Variants in RTTN observed in about 807,000 individuals in gnomAD.
RTTN encodes the protein rotatin.
In RTTN, 182 loss-of-function variants were observed where a neutral mutation model predicts 269.2. That is an observed-to-expected ratio of 0.68 (90% CI 0.60 to 0.76). The LOEUF (loss-of-function observed/expected upper bound fraction) is 0.76. Among genes scored for constraint, RTTN ranks in the 30% least tolerant of loss-of-function variants. RTTN has a pLI of 0.00. For missense variants in RTTN, 2,545 were observed against 2,608.6 expected (o/e 0.98, Z 0.53); for synonymous variants, 1,006 against 963.5 (o/e 1.04, Z -0.82).
rs190109926 is a variant in RTTN at position 70,184,851 on chromosome 18, C to T, written c.1305+3257G>A. 2.5e-3 allele frequency among the ~76,000 whole-genome samples: 363 copies of T among 145,568 alleles called. 1 individual carries two copies. Among genetic ancestry groups the T allele is most frequent in the African/African-American group, 8.5e-3 (340 of 39,790 alleles). ...TGGAGCTTACAGTGATCCGAGATGG[C>T]GCCACTGCACTCCAGCCTGGGCAAC... On this transcript the variant is annotated intron_variant, in intron 10 of 48. Coordinates refer to ENST00000640769, the MANE Select transcript of RTTN (RefSeq NM_173630.4).
intron 23 of RTTN, among the ~76,000 whole-genome samples, chr18:70,134,129 T>A (rs1205659788): frequency 6.6e-6 from 1 of 152,016 alleles, no homozygotes; most frequent in Non-Finnish European, 1.5e-5. Flanking sequence ...TTATTTCCAA[T>A]TGGTGGGTGA....
intron 23 of RTTN, among the ~76,000 whole-genome samples, chr18:70,132,252 T>C (rs2060016572): frequency 6.6e-6 from 1 of 152,004 alleles, no homozygotes; most frequent in African/African-American, 2.4e-5. Flanking sequence ...ACACATATAA[T>C]AAAGTAGACA....
In RTTN at chr18:70,006,499, A is replaced by T. The variant is rs1241429862; in HGVS notation, c.6422-15T>A. On this transcript the variant is annotated splice_polypyrimidine_tract_variant and intron_variant, in intron 46 of 48. Transcript: ENST00000640769. ...AATGACTTTTTCTAAAAATGAACAT[A>T]TATTTTTTAAAAGTTCAGTCCCAGA... is the stretch of plus-strand genomic sequence containing the variant. The T allele has an allele frequency of 6.3e-7, 1 of 1,596,628 alleles. No homozygotes were observed. The highest frequency in any genetic ancestry group is 1.3e-5 in the African/African-American group (1 of 74,566).
intron 28 of RTTN, among the ~76,000 whole-genome samples, chr18:70,108,477 C>T (rs553543976): frequency 6.6e-6 from 1 of 152,244 alleles, no homozygotes; most frequent in South Asian, 2.1e-4. Context: ...TACAATCTCA[C>T]ATTCTCCCAT....
intron 24 of RTTN, chr18:70,128,130 C>T: frequency 2.1e-6 from 1 of 477,682 alleles, no homozygotes; most frequent in South Asian, 3.1e-5. Flanking sequence ...ACCTCTAAAA[C>T]AGTACAGAGT....
intron 38 of RTTN, among the ~76,000 whole-genome samples, chr18:70,053,038 A>G (rs948870976): frequency 6.6e-6 from 1 of 152,220 alleles, no homozygotes; most frequent in Non-Finnish European, 1.5e-5. Context: ...GCCAAGATAC[A>G]CAGACCACCT....
Position 70,082,560 on chromosome 18 carries a change from C to G in RTTN, c.4374+4053G>C, listed in dbSNP as rs1338839189. 3.3e-5 allele frequency among the ~76,000 whole-genome samples: 5 copies of G among 152,330 alleles called. No homozygotes were observed. In the East Asian group the frequency reaches 9.6e-4, roughly 29 times the overall value. ...ACCCAGTTATGAAACCATCCACATTCAGGAGTCTTAACTCCTAGTCAGACT... is the reference window on the plus strand; with the variant it reads ...ACCCAGTTATGAAACCATCCACATTGAGGAGTCTTAACTCCTAGTCAGACT... On this transcript the variant is annotated intron_variant, in intron 32 of 48. Coordinates refer to ENST00000640769, the MANE Select transcript of RTTN (RefSeq NM_173630.4).
chr18:70,035,927 C>T (rs1183166808), intron 40 of RTTN, among the ~76,000 whole-genome samples: 1 of 152,108 alleles, frequency 6.6e-6, no homozygotes, highest in Non-Finnish European at 1.5e-5. Flanking sequence ...AAGACATACA[C>T]ATTGCCAACA....
intron 36 of RTTN, among the ~76,000 whole-genome samples, chr18:70,058,966 T>C (rs534170043): frequency 1.3e-5 from 2 of 152,308 alleles, no homozygotes; most frequent in South Asian, 4.1e-4. Flanking sequence ...GAAGACACTA[T>C]GATTTGGCAA....
chr18:70,066,910 TACAGTTTTTTAAATCCCCCTTTTA>T (rs577536275), intron 34 of RTTN, among the ~76,000 whole-genome samples: 9 of 152,324 alleles, frequency 5.9e-5, no homozygotes, highest in Admixed American at 5.9e-4. Context: ...AAATGGAATA[TACAGTTTTTTAAATCCCCCTTTTA>T]ACTTGAGCCC....
intron 10 of RTTN, among the ~76,000 whole-genome samples, chr18:70,178,660 T>C (rs1232084311): frequency 1.3e-5 from 2 of 152,180 alleles, no homozygotes; most frequent in African/African-American, 4.8e-5. Context: ...TAAAAATTTA[T>C]ATATAAATCC....
At chr18:70,056,587 C>T (rs1235463284) in intron 37 of RTTN, among the ~76,000 whole-genome samples, 1 of 152,200 alleles carries the variant, frequency 6.6e-6, no homozygotes, top group Non-Finnish European at 1.5e-5. Flanking sequence ...GTCCTGACTT[C>T]ATGGAGCTGA....
At position 70,196,582 on chromosome 18, in the gene RTTN, A is replaced by G; in HGVS notation, c.760T>C (p.Ser254Pro). ...GKHRLALQSV[S>P]CLQQLCMYLR... is the part of the protein sequence containing the mutation. ...TACATGCACAGCTGCTGCAGGCAGG[A>G]CACCGACTGTAATGCCAGGCGATGC... Residue 254 changes from serine (S) to proline (P), a missense_variant, in exon 7 of 49, where the codon TCC becomes CCC. Physicochemically the swap from Ser to Pro is moderately conservative, Grantham distance 74 (BLOSUM62 -1). Coordinates refer to ENST00000640769, the MANE Select transcript of RTTN (RefSeq NM_173630.4). 1 of 1,604,536 alleles carries G rather than the reference A, an allele frequency of 6.2e-7. No individual in the cohort carries two copies. The highest frequency in any genetic ancestry group is 8.5e-7 in the Non-Finnish European group (1 of 1,177,508).
chr18:70,032,378 G>A lies in RTTN; in HGVS notation c.5542-1397C>T, dbSNP rs538615245. ...CTAGCAGAGTGACCCCAGTGGACAC[G>A]CACCAGCATTCTTCCCCCACTGCAG... On this transcript the variant is annotated intron_variant, in intron 40 of 48. Coordinates refer to ENST00000640769, the MANE Select transcript of RTTN (RefSeq NM_173630.4). Among the ~76,000 whole-genome samples the A allele has an allele frequency of 1.2e-4, 18 of 152,266 alleles. No individual in the cohort carries two copies. In the East Asian group the frequency reaches 2.9e-3, roughly 25 times the overall value.
intron 35 of RTTN, among the ~76,000 whole-genome samples, chr18:70,064,918 G>A (rs1477263639): frequency 2.0e-5 from 3 of 152,168 alleles, no homozygotes; most frequent in South Asian, 2.1e-4. Flanking sequence ...ATTCATGATC[G>A]AATTTCATTT....
chr18:70,009,327 G>T (rs183807100), intron 46 of RTTN, among the ~76,000 whole-genome samples: 1 of 151,980 alleles, frequency 6.6e-6, no homozygotes, highest in Non-Finnish European at 1.5e-5. Flanking sequence ...TATTAGAGAC[G>T]GGGTTTTACC....
chr18:70,084,407 T>C (rs976918685), intron 32 of RTTN, among the ~76,000 whole-genome samples: 11 of 152,180 alleles, frequency 7.2e-5, no homozygotes, highest in Non-Finnish European at 2.9e-5. Context: ...TGTTTGAATT[T>C]TAAAATACTG....
intron 35 of RTTN, 146 bp from the exon 36 acceptor site, chr18:70,060,188 G>A: frequency 1.4e-6 from 1 of 716,846 alleles, no homozygotes; most frequent in Non-Finnish European, 2.2e-6. Flanking sequence ...TCTTAACCTT[G>A]AGGTTAGGGG....
intron 17 of RTTN, among the ~76,000 whole-genome samples, chr18:70,148,282 C>A (rs2060447865): frequency 1.3e-5 from 2 of 152,058 alleles, no homozygotes. Context: ...GAAAATCTAA[C>A]CACTGTTACC....
Sources: gnomAD v4.1 joint callset for allele counts (sites outside exome capture counted in the v4.1 genomes callset) on GRCh38, gnomAD v4.1.1 for gene constraint, MANE v1.5 for transcripts, NCBI Gene and HGNC (gene_info 2026-07-23, HGNC 2026-07-21) for gene names.